The following VDAC1 variants were observed in gnomAD, a reference collection of about 807,000 sequenced individuals.
VDAC1 encodes the protein non-selective voltage-gated ion channel VDAC1.
VDAC1 carries 10 observed loss-of-function variants against 34.7 expected under a neutral mutation model. That is an observed-to-expected ratio of 0.29 (90% CI 0.18 to 0.49). VDAC1 has a LOEUF of 0.49. VDAC1 is among the 20% of genes least tolerant of loss of function. The pLI is 0.99. For synonymous variants in VDAC1, 130 were observed against 136.0 expected (o/e 0.96, Z 0.30); for missense variants, 230 against 347.9 (o/e 0.66, Z 2.69).
intron 5 of VDAC1, among the ~76,000 whole-genome samples, chr5:133,989,749 G>A (rs1047496167): frequency 1.3e-5 from 2 of 151,150 alleles, no homozygotes; most frequent in African/African-American, 2.4e-5. Flanking sequence ...CACAACCTCT[G>A]CCTCCCAGGT....
At chr5:134,053,390 C>T in the VDAC1 span, among the ~76,000 whole-genome samples, 3 of 152,210 alleles carry the variant, frequency 2.0e-5, no homozygotes, top group African/African-American at 7.2e-5. Flanking sequence ...TGGGGATACT[C>T]TGCATTTTGT....
the VDAC1 span, among the ~76,000 whole-genome samples, chr5:134,048,054 G>A: frequency 8.0e-3 from 1,212 of 151,320 alleles, 16 homozygotes; most frequent in South Asian, 0.014. Context: ...TGCAAGCTCC[G>A]CCTCCCGGGT....
chr5:134,098,650 C>T, the VDAC1 span, among the ~76,000 whole-genome samples: 1 of 152,200 alleles, frequency 6.6e-6, no homozygotes. Flanking sequence ...ACATGAAGAC[C>T]CTTGGCCCCA....
rs1405966854 is a variant in VDAC1 at position 133,980,874 on chromosome 5, G to T, written c.406C>A (p.Pro136Thr). 1 of 1,613,818 alleles carries T rather than the reference G, an allele frequency of 6.2e-7. No homozygotes were observed. Among genetic ancestry groups the T allele is most frequent in the Non-Finnish European group, 8.5e-7 (1 of 1,179,970 alleles). ...GCDMDFDIAG[P>T]SIRGALVLGY... is the part of the protein sequence containing the mutation. The stretch of plus-strand genomic sequence containing the variant: ...AGCACCAGAGCACCCCGGATGGAAG[G>T]CCCAGCAATGTCGAAATCCATGTCG... The change falls in exon 6 of 9, where the codon CCT (proline) becomes ACT (threonine). Residue 136 changes from proline (P) to threonine (T), a missense_variant. Coordinates refer to ENST00000265333, the MANE Select transcript of VDAC1 (RefSeq NM_003374.3).
chr5:134,028,498 T>C, the VDAC1 span, among the ~76,000 whole-genome samples: 1 of 152,234 alleles, frequency 6.6e-6, no homozygotes, highest in Non-Finnish European at 1.5e-5. Flanking sequence ...GTGATCATCA[T>C]TTATAACAGT....
At chr5:133,980,005 T>A (rs913283498) in intron 6 of VDAC1, among the ~76,000 whole-genome samples, 6 of 152,240 alleles carry the variant, frequency 3.9e-5, no homozygotes, top group Non-Finnish European at 7.3e-5. Context: ...TTAATATCAC[T>A]GATTTGCCTT....
the VDAC1 span, among the ~76,000 whole-genome samples, chr5:134,064,838 C>T: frequency 6.6e-6 from 1 of 152,000 alleles, no homozygotes; most frequent in South Asian, 2.1e-4. Context: ...CCACCTCAGC[C>T]TCCCAAGTAG....
the VDAC1 span, among the ~76,000 whole-genome samples, chr5:134,103,424 G>C: frequency 6.6e-6 from 1 of 152,094 alleles, no homozygotes; most frequent in African/African-American, 2.4e-5. Flanking sequence ...TGCCAGGCTG[G>C]TGTCATTCTT....
the VDAC1 span, among the ~76,000 whole-genome samples, chr5:134,064,518 G>C: frequency 6.6e-6 from 1 of 151,990 alleles, no homozygotes; most frequent in Non-Finnish European, 1.5e-5. Context: ...TGGCCAGGCT[G>C]GTCTCGAACT....
chr5:134,000,009 G>A (rs932643162), intron 1 of VDAC1, among the ~76,000 whole-genome samples: 1 of 152,090 alleles, frequency 6.6e-6, no homozygotes, highest in Non-Finnish European at 1.5e-5. Context: ...CCTCTTCCTA[G>A]CCCTGAGGAC....
chr5:134,083,404 G>T, the VDAC1 span, among the ~76,000 whole-genome samples: 2 of 152,252 alleles, frequency 1.3e-5, no homozygotes, highest in East Asian at 3.9e-4. Context: ...TGGCCAGGCT[G>T]GTCTCAGACT....
At chr5:134,017,676 G>A in the VDAC1 span, among the ~76,000 whole-genome samples, 1 of 152,152 alleles carries the variant, frequency 6.6e-6, no homozygotes, top group African/African-American at 2.4e-5. Context: ...CACTTTGGGA[G>A]GCCGAGGTGG....
the VDAC1 span, among the ~76,000 whole-genome samples, chr5:134,062,286 G>T: frequency 2.6e-5 from 4 of 151,714 alleles, no homozygotes; most frequent in Admixed American, 2.6e-4. Flanking sequence ...TGCCTGGCTG[G>T]TCAAGAGTTT....
the VDAC1 span, among the ~76,000 whole-genome samples, chr5:134,032,213 G>C: frequency 6.6e-6 from 1 of 150,514 alleles, no homozygotes; most frequent in Non-Finnish European, 1.5e-5. Flanking sequence ...TACAGCTCTA[G>C]AAACTGGAAA....
chr5:134,090,832 C>T, the VDAC1 span, among the ~76,000 whole-genome samples: 1 of 152,228 alleles, frequency 6.6e-6, no homozygotes, highest in South Asian at 2.1e-4. Flanking sequence ...CTTACAATAA[C>T]AGTTTAAAGC....
the VDAC1 span, among the ~76,000 whole-genome samples, chr5:134,088,157 AAAAACAAAACAAAAC>A: frequency 6.6e-6 from 1 of 152,100 alleles, no homozygotes; most frequent in South Asian, 2.1e-4. Flanking sequence ...CCCTGTCTCA[AAAAACAAAACAAAAC>A]AAAACAAAAC....
At chr5:134,077,405 T>C in the VDAC1 span, among the ~76,000 whole-genome samples, 1 of 152,112 alleles carries the variant, frequency 6.6e-6, no homozygotes, top group Non-Finnish European at 1.5e-5. Flanking sequence ...TGAAAATCCA[T>C]TCAGCAAACT....
At chr5:134,088,319 G>T in the VDAC1 span, among the ~76,000 whole-genome samples, 1 of 152,198 alleles carries the variant, frequency 6.6e-6, no homozygotes, top group African/African-American at 2.4e-5. Context: ...GGTGGGCCAG[G>T]TGCTACTGAA....
chr5:134,092,189 C>T, the VDAC1 span, among the ~76,000 whole-genome samples: 4 of 152,188 alleles, frequency 2.6e-5, no homozygotes, highest in Non-Finnish European at 5.9e-5. Context: ...GTGCCCCTAA[C>T]TTCTGTATTC....
Sources: gnomAD v4.1 joint callset for allele counts (sites outside exome capture counted in the v4.1 genomes callset) on GRCh38, gnomAD v4.1.1 for gene constraint, MANE v1.5 for transcripts, NCBI Gene and HGNC (gene_info 2026-07-23, HGNC 2026-07-21) for gene names.